Variants in SOX6 observed in about 807,000 individuals in gnomAD.
SOX6 encodes the protein transcription factor SOX-6.
In SOX6, 11 loss-of-function variants were observed where a neutral mutation model predicts 97.8. That is an observed-to-expected ratio of 0.11 (90% CI 0.07 to 0.19). SOX6 has a LOEUF of 0.19. SOX6 is among the 10% of genes least tolerant of loss of function. SOX6 has a pLI of 1.00. For synonymous variants in SOX6, 360 were observed against 371.4 expected, an observed-to-expected ratio of 0.97 and a Z score of 0.35; for missense variants, 810 against 1,039.5, an observed-to-expected ratio of 0.78 and a Z score of 3.04.
chr11:16,273,419 A>G (rs1854311486), intron 3 of SOX6, among the ~76,000 whole-genome samples: 1 of 151,950 alleles, frequency 6.6e-6, no homozygotes, highest in South Asian at 2.1e-4. Flanking sequence ...TCTAGTCTAT[A>G]CAATAAATCT....
intron 6 of SOX6, among the ~76,000 whole-genome samples, chr11:16,182,699 T>TG (rs1360898945): frequency 1.3e-5 from 2 of 151,934 alleles, no homozygotes; most frequent in Non-Finnish European, 2.9e-5. Context: ...ACAAAAAAGT[T>TG]GGCTAAGATC....
chr11:16,459,117 C>T (rs183781037), intron 1 of SOX6, among the ~76,000 whole-genome samples: 64 of 151,978 alleles, frequency 4.2e-4, no homozygotes, highest in African/African-American at 1.3e-3. Flanking sequence ...CAGAGCTCAT[C>T]CAAGGCCAGG....
At chr11:16,653,376 C>T (rs1398562863) in intron 3 of SOX6, among the ~76,000 whole-genome samples, 1 of 152,158 alleles carries the variant, frequency 6.6e-6, no homozygotes, top group African/African-American at 2.4e-5. Context: ...AAACACCCAT[C>T]AGCCAACAAG....
At chr11:16,616,926 A>G (rs1050918316) in intron 3 of SOX6, among the ~76,000 whole-genome samples, 1 of 151,958 alleles carries the variant, frequency 6.6e-6, no homozygotes, top group African/African-American at 2.4e-5. Flanking sequence ...AATCAGTTCT[A>G]AAAGAAGACT....
intron 2 of SOX6, among the ~76,000 whole-genome samples, chr11:16,732,707 C>T (rs1373870170): frequency 6.6e-6 from 1 of 152,090 alleles, no homozygotes; most frequent in East Asian, 1.9e-4. Flanking sequence ...ACACCAAAAA[C>T]AATGGCAACA....
chr11:16,508,806 T>G (rs965001556), intron 4 of SOX6, among the ~76,000 whole-genome samples: 3 of 152,116 alleles, frequency 2.0e-5, no homozygotes, highest in African/African-American at 7.2e-5. Context: ...AACAATGTAT[T>G]ATATCAAAAT....
chr11:16,371,068 C>G (rs943728546), intron 1 of SOX6, among the ~76,000 whole-genome samples: 1 of 152,080 alleles, frequency 6.6e-6, no homozygotes, highest in African/African-American at 2.4e-5. Flanking sequence ...AGAGTAAAAG[C>G]CAAATCCTCA....
At chr11:16,438,416 G>A (rs924181230) in intron 1 of SOX6, among the ~76,000 whole-genome samples, 2 of 152,118 alleles carry the variant, frequency 1.3e-5, no homozygotes, top group African/African-American at 4.8e-5. Context: ...ACTGATTGCA[G>A]CATCCAGAGA....
intron 3 of SOX6, among the ~76,000 whole-genome samples, chr11:16,658,542 AC>A (rs1287899479): frequency 6.6e-6 from 1 of 152,144 alleles, no homozygotes; most frequent in Non-Finnish European, 1.5e-5. Context: ...CCCCGTCTCT[AC>A]TAAAAATACA....
At chr11:16,660,845 C>T (rs1237476579) in intron 3 of SOX6, among the ~76,000 whole-genome samples, 2 of 152,188 alleles carry the variant, frequency 1.3e-5, no homozygotes, top group Admixed American at 1.3e-4. Context: ...TGCCTTGATC[C>T]TGGACTTCTC....
intron 3 of SOX6, among the ~76,000 whole-genome samples, chr11:16,696,932 C>G (rs924193884): frequency 3.3e-5 from 5 of 150,788 alleles, no homozygotes; most frequent in African/African-American, 1.2e-4. Context: ...TCAATGCTCT[C>G]AAACCCTGCT....
intron 1 of SOX6, among the ~76,000 whole-genome samples, chr11:16,372,648 A>G (rs1302803583): frequency 1.3e-5 from 2 of 152,138 alleles, no homozygotes; most frequent in African/African-American, 4.8e-5. Flanking sequence ...ACAAGAAGCT[A>G]GAACACTGAT....
chr11:16,047,726 GTGTGTGTGTA>G (rs1362666407), intron 11 of SOX6, among the ~76,000 whole-genome samples: 1 of 151,042 alleles, frequency 6.6e-6, no homozygotes, highest in East Asian at 2.0e-4. Flanking sequence ...GTGTGTGTGT[GTGTGTGTGTA>G]TGTGTGTGTA....
chr11:16,006,044 C>T (rs535523966), intron 13 of SOX6, among the ~76,000 whole-genome samples: 71 of 152,026 alleles, frequency 4.7e-4, no homozygotes, highest in African/African-American at 1.5e-3. Context: ...TCACAGTAGA[C>T]AGTGAAAATC....
At chr11:16,703,758 C>A (rs750630251) in intron 3 of SOX6, among the ~76,000 whole-genome samples, 1 of 152,144 alleles carries the variant, frequency 6.6e-6, no homozygotes, top group Non-Finnish European at 1.5e-5. Flanking sequence ...TGGAACATCA[C>A]TTGTGAGTCC....
chr11:15,979,718 C>T (rs1018685151), intron 15 of SOX6, among the ~76,000 whole-genome samples: 7 of 152,046 alleles, frequency 4.6e-5, no homozygotes, highest in African/African-American at 1.2e-4. Flanking sequence ...GTTCTCTCTG[C>T]CCACATTTCC....
rs1337736453 is a variant in SOX6 at position 16,554,014 on chromosome 11, G to T, written n.609+58067C>A. Among the ~76,000 whole-genome samples the T allele has an allele frequency of 2.0e-5, 3 of 152,106 alleles. No individual in the cohort carries two copies. In the East Asian group the frequency reaches 5.8e-4, roughly 29 times the overall value. The stretch of plus-strand genomic sequence containing the variant: ...TAGAAAGTGGTAGGCCCTACTAGGA[G>T]GGGGTACTCAGTCCATTCAAAAAGA... On this transcript the variant is annotated intron_variant and non_coding_transcript_variant, in intron 4 of 5. Coordinates refer to the SOX6 transcript ENST00000524520.
intron 4 of SOX6, among the ~76,000 whole-genome samples, chr11:16,521,595 G>A: frequency 6.6e-6 from 1 of 152,232 alleles, no homozygotes; most frequent in Non-Finnish European, 1.5e-5. Flanking sequence ...CCAAAGGAAT[G>A]CAGTTCCTCA....
chr11:16,521,281 A>G (rs2133160927), intron 4 of SOX6, among the ~76,000 whole-genome samples: 1 of 152,170 alleles, frequency 6.6e-6, no homozygotes, highest in Non-Finnish European at 1.5e-5. Flanking sequence ...TCTGAGACAA[A>G]ACTTCCAGAG....
Sources: gnomAD v4.1 joint callset for allele counts (sites outside exome capture counted in the v4.1 genomes callset) on GRCh38, gnomAD v4.1.1 for gene constraint, MANE v1.5 for transcripts, NCBI Gene and HGNC (gene_info 2026-07-23, HGNC 2026-07-21) for gene names.